The following UBE2D1 variants were observed in gnomAD, a reference collection of about 807,000 sequenced individuals.
UBE2D1 encodes the protein ubiquitin conjugating enzyme E2 D1, also known as ubiquitin-conjugating enzyme E2 D1.
UBE2D1 carries 9 observed loss-of-function variants against 24.6 expected under a neutral mutation model. The ratio of observed to expected loss-of-function variants is 0.37; its 90% CI spans 0.22 to 0.64. The LOEUF is 0.64. Ranked by LOEUF, UBE2D1 falls within the 30% of genes least tolerant of loss-of-function variation. The probability of loss-of-function intolerance (pLI) is 0.64; values close to 1 mark genes in which losing one functional copy is unlikely to be tolerated. For synonymous variants in UBE2D1, 57 were observed against 57.6 expected (o/e 0.99, Z 0.04); for missense variants, 87 against 177.1 (o/e 0.49, Z 2.89).
chr10:58,346,384 A>G (rs1199614739), intron 1 of UBE2D1, among the ~76,000 whole-genome samples: 1 of 152,156 alleles, frequency 6.6e-6, no homozygotes, highest in Non-Finnish European at 1.5e-5. Flanking sequence ...TGTCATTATA[A>G]TTTTGATTAA....
chr10:58,345,225 C>A (rs887628943), intron 1 of UBE2D1, among the ~76,000 whole-genome samples: 2 of 152,014 alleles, frequency 1.3e-5, no homozygotes, highest in African/African-American at 4.8e-5. Flanking sequence ...AATCCCAGAA[C>A]TTTGGGAGAC....
In UBE2D1 at chr10:58,368,757, G is replaced by A; in HGVS notation, c.436G>A (p.Ala146Thr). The A allele has an allele frequency of 6.3e-7, 1 of 1,584,646 alleles. No homozygotes were observed. Among genetic ancestry groups the A allele is most frequent in the Admixed American group, 1.8e-5 (1 of 56,576 alleles). ...TGCAAGAGAATGGACTCAGAAATATGCAATGTAAAAATCAAAAACATTTTC... is the reference window on the plus strand; with the variant it reads ...TGCAAGAGAATGGACTCAGAAATATACAATGTAAAAATCAAAAACATTTTC... ...RHAREWTQKY[A>T]M Residue 146 changes from alanine to threonine, a missense_variant, in exon 7 of 7, where the codon GCA (alanine) becomes ACA (threonine). Ala to Thr is a moderately conservative substitution (Grantham distance 58, BLOSUM62 0). Coordinates refer to ENST00000373910, the MANE Select transcript of UBE2D1 (RefSeq NM_003338.5).
intron 1 of UBE2D1, among the ~76,000 whole-genome samples, chr10:58,360,095 A>G (rs1264868644): frequency 6.6e-6 from 1 of 152,036 alleles, no homozygotes; most frequent in Admixed American, 6.5e-5. Flanking sequence ...AAAACACCAC[A>G]TCATTAATGT....
At chr10:58,343,933 C>A (rs1271489521) in intron 1 of UBE2D1, among the ~76,000 whole-genome samples, 1 of 152,050 alleles carries the variant, frequency 6.6e-6, no homozygotes. Flanking sequence ...TTTCTTCCAT[C>A]TTTTTTTGGT....
chr10:58,344,086 A>G (rs1483313214), intron 1 of UBE2D1, among the ~76,000 whole-genome samples: 1 of 152,222 alleles, frequency 6.6e-6, no homozygotes, highest in Non-Finnish European at 1.5e-5. Context: ...TTTAAACACA[A>G]CGCTCCTGAA....
At chr10:58,367,586 C>G (rs1840270503) in intron 5 of UBE2D1, among the ~76,000 whole-genome samples, 1 of 152,012 alleles carries the variant, frequency 6.6e-6, no homozygotes, top group Admixed American at 6.6e-5. Context: ...GGACTGTTAA[C>G]TGTAATTTGA....
intron 5 of UBE2D1, among the ~76,000 whole-genome samples, chr10:58,367,617 A>G (rs1016995895): frequency 5.9e-5 from 9 of 152,144 alleles, no homozygotes; most frequent in African/African-American, 1.9e-4. Flanking sequence ...GAGAACTCTC[A>G]AGTTTAAAGG....
chr10:58,346,010 CTTTTTT>C (rs972974578), intron 1 of UBE2D1, among the ~76,000 whole-genome samples: 13 of 136,512 alleles, frequency 9.5e-5, no homozygotes, highest in African/African-American at 3.2e-4. Flanking sequence ...GGAGCTAATA[CTTTTTT>C]TTTTTTTTTT....
intron 1 of UBE2D1, among the ~76,000 whole-genome samples, chr10:58,351,248 C>G (rs1840073377): frequency 6.6e-6 from 1 of 152,112 alleles, no homozygotes; most frequent in South Asian, 2.1e-4. Context: ...TTAAACTTAG[C>G]TTACTGTAAC....
chr10:58,337,326 C>G (rs1180800728), intron 1 of UBE2D1, among the ~76,000 whole-genome samples: 1 of 152,154 alleles, frequency 6.6e-6, no homozygotes. Flanking sequence ...ACCAATCCCT[C>G]AAACCTTAGG....
intron 1 of UBE2D1, among the ~76,000 whole-genome samples, chr10:58,344,032 T>A (rs1198157950): frequency 1.3e-5 from 2 of 152,170 alleles, no homozygotes; most frequent in African/African-American, 4.8e-5. Flanking sequence ...TTATTTAAGT[T>A]GTGTATAATT....
At chr10:58,355,416 G>A (rs1316498809) in intron 1 of UBE2D1, among the ~76,000 whole-genome samples, 1 of 152,132 alleles carries the variant, frequency 6.6e-6, no homozygotes, top group African/African-American at 2.4e-5. Flanking sequence ...CTAGAGTATC[G>A]GAAGCAGTTA....
At position 58,369,562 on chromosome 10, in the gene UBE2D1, G is replaced by A. The variant is rs1014648004; in HGVS notation, c.*797G>A. On this transcript the variant is annotated 3_prime_UTR_variant, in exon 7 of 7. Coordinates refer to ENST00000373910, the MANE Select transcript of UBE2D1 (RefSeq NM_003338.5). ...GACACCTTTTACAGATCTTACTGTA[G>A]CTTTTTCCATATAAATAAAATGCTT... 6.6e-6 allele frequency: 1 copy of A among 152,230 alleles called. No homozygotes were observed. The highest frequency in any genetic ancestry group is 1.5e-5 in the Non-Finnish European group (1 of 67,784). The allele number at this position is 152,230 out of a possible 1,614,324, so 9.4% of individuals were successfully genotyped here. A position where few individuals can be genotyped will look rare whatever the true frequency, so the allele number is the denominator to read the frequency against.
intron 1 of UBE2D1, among the ~76,000 whole-genome samples, chr10:58,352,504 T>G (rs950423978): frequency 1.3e-5 from 2 of 151,740 alleles, no homozygotes; most frequent in Admixed American, 1.3e-4. Context: ...TCCCAACCAC[T>G]TGGGGAGGGT....
At chr10:58,364,929 T>TA in intron 5 of UBE2D1, 53 bp downstream of exon 5, 1 of 1,384,348 alleles carries the variant, frequency 7.2e-7, no homozygotes, top group South Asian at 1.2e-5. Flanking sequence ...ACAGGAAAAA[T>TA]ACAGCAGAAT....
At chr10:58,357,903 A>T (rs1167349373) in intron 1 of UBE2D1, among the ~76,000 whole-genome samples, 1 of 152,212 alleles carries the variant, frequency 6.6e-6, no homozygotes, top group Non-Finnish European at 1.5e-5. Flanking sequence ...GAGCTGTAAT[A>T]AAGTGACAGC....
intron 1 of UBE2D1, among the ~76,000 whole-genome samples, chr10:58,359,708 T>C (rs548393920): frequency 6.6e-5 from 10 of 152,222 alleles, no homozygotes; most frequent in Non-Finnish European, 1.3e-4. Flanking sequence ...TGCAGTGAAG[T>C]ATGTCACCTT....
At position 58,364,876 on chromosome 10, in the gene UBE2D1, G is replaced by A; in HGVS notation, c.304G>A (p.Val102Ile). The A allele has an allele frequency of 6.2e-7, 1 of 1,609,144 alleles. No individual in the cohort carries two copies. Among genetic ancestry groups the A allele is most frequent in the Non-Finnish European group, 8.5e-7 (1 of 1,176,200 alleles). ...QWSPALTVSK[V>I]LLSICSLLCD... is the part of the protein sequence containing the mutation. ...GTCACCAGCTCTGACTGTATCAAAA[G>A]GTAATTTCATTGATCAGGTTTGAAA... is the stretch of plus-strand genomic sequence containing the variant. The change falls in exon 5 of 7, where the codon GTT becomes ATT. Residue 102 changes from valine (V) to isoleucine (I), a missense_variant and splice_region_variant. By Grantham distance (29) the Val-to-Ile change is conservative. Coordinates refer to ENST00000373910, the MANE Select transcript of UBE2D1 (RefSeq NM_003338.5).
intron 1 of UBE2D1, among the ~76,000 whole-genome samples, chr10:58,353,042 T>A (rs1368865424): frequency 1.3e-5 from 2 of 152,170 alleles, no homozygotes; most frequent in East Asian, 3.9e-4. Context: ...CTAGAGGACC[T>A]CTTTGCTATA....
Sources: allele counts gnomAD v4.1 joint callset (sites outside exome capture counted in the v4.1 genomes callset), GRCh38; gene constraint gnomAD v4.1.1; transcripts MANE v1.5; gene names NCBI Gene and HGNC (gene_info 2026-07-23, HGNC 2026-07-21).